Variants in USP45 observed in about 807,000 individuals in gnomAD.
USP45 encodes the protein ubiquitin specific peptidase 45.
A neutral mutation model predicts 95.8 loss-of-function variants in USP45; 89 were observed. The ratio of observed to expected loss-of-function variants is 0.93; its 90% CI spans 0.78 to 1.11. The LOEUF is 1.11. Among genes scored for constraint, USP45 ranks in the 50% least tolerant of loss-of-function variants. The pLI is 0.00. For missense variants in USP45, 898 were observed against 942.5 expected, an observed-to-expected ratio of 0.95 and a Z score of 0.62; for synonymous variants, 281 against 316.2, an observed-to-expected ratio of 0.89 and a Z score of 1.18.
intron 8 of USP45, 95 bp downstream of exon 8, chr6:99,482,658 C>G (rs1356406497): frequency 1.6e-6 from 2 of 1,266,398 alleles, no homozygotes; most frequent in Admixed American, 2.6e-5. Flanking sequence ...GCAATAAGAG[C>G]AAAGTTACAG....
At chr6:99,515,655 A>C (rs1801034059), upstream of USP45, among the ~76,000 whole-genome samples, 1 of 151,784 alleles carries the variant, frequency 6.6e-6, no homozygotes, top group Admixed American at 6.6e-5. Context: ...ATTTGTTAGG[A>C]TCCTGGGCCA....
intron 7 of USP45, among the ~76,000 whole-genome samples, chr6:99,487,633 CA>C (rs11335830): frequency 0.33 from 35,064 of 105,610 alleles, 4,156 homozygotes; most frequent in East Asian, 0.52. Context: ...ACTAAAAATA[CA>C]AAAAAAAAAA....
In USP45 at chr6:99,436,226, C is replaced by T. The variant is rs1466523596; in HGVS notation, c.2315-380G>A. 4.6e-5 allele frequency among the ~76,000 whole-genome samples: 7 copies of T among 151,396 alleles called. No homozygotes were observed. The East Asian group carries it at 1.4e-3, about 30-fold the overall frequency. On this transcript the variant is annotated intron_variant, in intron 17 of 17. Coordinates refer to ENST00000500704, the MANE Select transcript of USP45 (RefSeq NM_001346022.3). ...CCATGTGTACTCATTAGAACAAATT[C>T]TTTCAAAGCATTAATATTATAGGTA... is the stretch of plus-strand genomic sequence containing the variant.
chr6:99,459,308 G>A (rs1054363574), intron 13 of USP45, among the ~76,000 whole-genome samples: 2 of 152,046 alleles, frequency 1.3e-5, no homozygotes, highest in Admixed American at 6.6e-5. Context: ...CCTGTAAAAG[G>A]CACAATCTTA....
At chr6:99,498,464 GTGT>G (rs1166020302) in intron 5 of USP45, among the ~76,000 whole-genome samples, 1 of 152,154 alleles carries the variant, frequency 6.6e-6, no homozygotes, top group African/African-American at 2.4e-5. Flanking sequence ...TCAAAAAAGT[GTGT>G]TATTAGATTC....
At chr6:99,488,067 A>G in intron 7 of USP45, 133 bp downstream of exon 7, 1 of 633,310 alleles carries the variant, frequency 1.6e-6, no homozygotes, top group Non-Finnish European at 2.7e-6. Flanking sequence ...TTATTTTCAC[A>G]GAATGCTTTT....
At chr6:99,473,310 C>T (rs147907769) in intron 9 of USP45, among the ~76,000 whole-genome samples, 1 of 151,746 alleles carries the variant, frequency 6.6e-6, no homozygotes, top group Non-Finnish European at 1.5e-5. Context: ...GAGGCCGAGG[C>T]AGGCAGATTA....
chr6:99,461,240 G>C (rs1786392612), intron 13 of USP45: 1 of 985,232 alleles, frequency 1.0e-6, no homozygotes, highest in African/African-American at 1.7e-5. Flanking sequence ...AGATTTTCCA[G>C]TCTCTACAAT....
intron 7 of USP45, 26 bp downstream of exon 7, chr6:99,488,174 C>T: frequency 6.7e-7 from 1 of 1,493,286 alleles, no homozygotes; most frequent in South Asian, 1.2e-5. Context: ...CTGAAAGCAG[C>T]TATTATTCAA....
At chr6:99,515,037 G>C (rs1800856364) in intron 1 of USP45, 1 of 152,308 alleles carries the variant, frequency 6.6e-6, no homozygotes, top group Admixed American at 6.5e-5. Flanking sequence ...GCTTCCTCCG[G>C]TCACCAACAC....
In USP45 at chr6:99,510,149, A is replaced by G. The variant is rs201056371; in HGVS notation, c.72T>C (p.His24=). ...CAATATCATCTGAAGAGTCTTCATCATGAGGTACAGTAGGCCTTTTACTTC... is the reference window on the plus strand; with the variant it reads ...CAATATCATCTGAAGAGTCTTCATCGTGAGGTACAGTAGGCCTTTTACTTC... ...AKRSKRPTVP[H]DEDSSDDIAV... Residue 24 remains histidine, a synonymous_variant, in exon 2 of 18, where the codon CAT becomes CAC. Coordinates refer to ENST00000500704, the MANE Select transcript of USP45 (RefSeq NM_001346022.3). 9.9e-6 allele frequency: 16 copies of G among 1,613,518 alleles called. No individual in the cohort carries two copies. Among genetic ancestry groups the G allele is most frequent in the Non-Finnish European group, 1.2e-5 (14 of 1,179,648 alleles).
At chr6:99,492,641 T>C (rs1795435530) in intron 5 of USP45, among the ~76,000 whole-genome samples, 1 of 140,130 alleles carries the variant, frequency 7.1e-6, no homozygotes, top group African/African-American at 2.8e-5. Flanking sequence ...ATTACAGGCA[T>C]GCGCCACCAT....
chr6:99,441,481 G>A (rs1582954437), intron 15 of USP45, among the ~76,000 whole-genome samples: 1 of 151,538 alleles, frequency 6.6e-6, no homozygotes, highest in Non-Finnish European at 1.5e-5. Context: ...GCAGTGAGCC[G>A]AGATCGCGCC....
At chr6:99,479,783 C>T (rs1423741357) in intron 8 of USP45, among the ~76,000 whole-genome samples, 1 of 152,212 alleles carries the variant, frequency 6.6e-6, no homozygotes, top group Non-Finnish European at 1.5e-5. Flanking sequence ...AGACTGCATG[C>T]TCTCCCTTTA....
At chr6:99,452,696 TA>T (rs1169387809) in intron 13 of USP45, among the ~76,000 whole-genome samples, 1 of 152,176 alleles carries the variant, frequency 6.6e-6, no homozygotes, top group Non-Finnish European at 1.5e-5. Flanking sequence ...CAAAAGATTA[TA>T]AATCATGCTG....
At chr6:99,440,336 T>G (rs1781286394) in intron 15 of USP45, among the ~76,000 whole-genome samples, 1 of 152,222 alleles carries the variant, frequency 6.6e-6, no homozygotes, top group South Asian at 2.1e-4. Context: ...TCAAAACATT[T>G]TATCAGTAAA....
rs978363371 is a variant in USP45 at position 99,435,615 on chromosome 6, A to T, written c.*101T>A. The T allele has an allele frequency of 1.3e-5, 13 of 1,013,272 alleles. No homozygotes were observed. Among genetic ancestry groups the T allele is most frequent in the Middle Eastern group, 6.7e-4 (2 of 2,974 alleles). The allele number at this position is 1,013,272 out of a possible 1,614,324, so 62.8% of individuals were successfully genotyped here. On this transcript the variant is annotated 3_prime_UTR_variant, in exon 18 of 18. Transcript: ENST00000500704. ...TTCAGGACCATTTGAGGAACATGCT[A>T]TTCCTACAGAAGAGGGAAGACTAGA...
chr6:99,505,531 TGGC>T (rs1798318136), intron 4 of USP45, among the ~76,000 whole-genome samples: 1 of 148,690 alleles, frequency 6.7e-6, no homozygotes, highest in African/African-American at 2.5e-5. Flanking sequence ...CAGGGCGTGG[TGGC>T]GGGCACCTGT....
chr6:99,442,762 G>A (rs1391359622), intron 15 of USP45, among the ~76,000 whole-genome samples: 3 of 152,210 alleles, frequency 2.0e-5, no homozygotes, highest in African/African-American at 7.2e-5. Context: ...CAGGAGAATC[G>A]CTTGAACCCA....
Sources: gnomAD v4.1 joint callset for allele counts (sites outside exome capture counted in the v4.1 genomes callset) on GRCh38, gnomAD v4.1.1 for gene constraint, MANE v1.5 for transcripts, NCBI Gene and HGNC (gene_info 2026-07-23, HGNC 2026-07-21) for gene names.